Variants in CDH8 observed in about 807,000 individuals in gnomAD.
CDH8 encodes cadherin-8.
Under a neutral mutation model 68.1 loss-of-function variants are expected in CDH8, and 17 were observed. The observed-to-expected ratio is 0.25, with a 90% CI of 0.17 to 0.37. CDH8 has a LOEUF of 0.37. CDH8 is among the 10% of genes least tolerant of loss of function. The pLI is 1.00. For synonymous variants in CDH8, 372 were observed against 365.1 expected (o/e 1.02, Z -0.21); for missense variants, 763 against 999.3 (o/e 0.76, Z 3.19).
Position 61,654,030 on chromosome 16 carries a change from C to A in CDH8, c.1978G>T (p.Val660Phe), listed in dbSNP as rs1229937786. The A allele has an allele frequency of 1.2e-6, 2 of 1,614,070 alleles. No individual in the cohort carries two copies. The highest frequency in any genetic ancestry group is 1.3e-5 in the African/African-American group (1 of 75,026). ...TCGTAGCGAATGATGTTTTCTCGAA[C>A]GTCTTCATCATCTTTGATAATTAAT... is the stretch of plus-strand genomic sequence containing the variant. ...EPLIIKDDED[V>F]RENIIRYDDE... Residue 660 changes from valine to phenylalanine, a missense_variant, in exon 12 of 12, where the codon GTT (valine) becomes TTT (phenylalanine). Val to Phe is a conservative substitution (Grantham distance 50, BLOSUM62 -1). This residue lies in a region of CDH8 where 397 missense variants were observed against 436.2 expected (regional missense o/e 0.91). Coordinates refer to ENST00000577390, the MANE Select transcript of CDH8 (RefSeq NM_001796.5).
chr16:61,689,432 A>G (rs1964174446), intron 10 of CDH8, among the ~76,000 whole-genome samples: 1 of 151,894 alleles, frequency 6.6e-6, no homozygotes, highest in Non-Finnish European at 1.5e-5. Context: ...CCCCAAACCC[A>G]ACTTTCTCTT....
chr16:61,784,898 AG>A (rs1961196777), intron 8 of CDH8, among the ~76,000 whole-genome samples: 1 of 152,228 alleles, frequency 6.6e-6, no homozygotes, highest in South Asian at 2.1e-4. Flanking sequence ...ACTAGAACAA[AG>A]ACACAACATA....
chr16:61,762,460 A>G (rs1960494500), intron 8 of CDH8, among the ~76,000 whole-genome samples: 2 of 152,200 alleles, frequency 1.3e-5, no homozygotes, highest in Admixed American at 6.5e-5. Context: ...CTAAGATTGG[A>G]AAACCAAATA....
intron 2 of CDH8, among the ~76,000 whole-genome samples, chr16:61,959,943 T>G (rs1965061388): frequency 7.3e-6 from 1 of 136,264 alleles, no homozygotes; most frequent in Non-Finnish European, 1.6e-5. Context: ...CATTATACCT[T>G]AACAAATCTT....
intron 2 of CDH8, among the ~76,000 whole-genome samples, chr16:61,962,044 G>T (rs1304655498): frequency 1.3e-5 from 2 of 152,246 alleles, no homozygotes; most frequent in Admixed American, 6.5e-5. Context: ...CTAGAGAAAA[G>T]AAATTGCTAT....
intron 2 of CDH8, among the ~76,000 whole-genome samples, chr16:61,947,178 T>A (rs1480575796): frequency 9.4e-6 from 1 of 106,164 alleles, no homozygotes; most frequent in Non-Finnish European, 2.0e-5. Context: ...ATATTATTTC[T>A]AAATTGAAGT....
chr16:61,967,182 T>C (rs1051957328), intron 2 of CDH8, among the ~76,000 whole-genome samples: 23 of 152,022 alleles, frequency 1.5e-4, no homozygotes, highest in African/African-American at 5.6e-4. Flanking sequence ...GATAGGGGAA[T>C]AGAGTAAGAT....
At chr16:61,930,307 C>A (rs1015554567) in intron 2 of CDH8, among the ~76,000 whole-genome samples, 2 of 135,416 alleles carry the variant, frequency 1.5e-5, no homozygotes, top group African/African-American at 3.2e-5. Flanking sequence ...ACACACACAC[C>A]CCTATGTATA....
chr16:61,724,607 C>T (rs949002860), intron 9 of CDH8, among the ~76,000 whole-genome samples: 4 of 150,650 alleles, frequency 2.7e-5, no homozygotes, highest in African/African-American at 7.3e-5. Context: ...CCAAACAAGA[C>T]ATTTGAATGT....
At chr16:61,725,786 A>C (rs2142890691) in intron 9 of CDH8, 1 of 151,154 alleles carries the variant, frequency 6.6e-6, no homozygotes, top group Admixed American at 6.6e-5. Context: ...GAATATTATA[A>C]AAATAAACCT....
At chr16:61,669,630 TTGA>T (rs1180355354) in intron 10 of CDH8, among the ~76,000 whole-genome samples, 1 of 152,038 alleles carries the variant, frequency 6.6e-6, no homozygotes, top group East Asian at 1.9e-4. Flanking sequence ...TATCAGTCAG[TTGA>T]TGGTTTATCC....
chr16:61,676,693 G>T (rs1963918772), intron 10 of CDH8, among the ~76,000 whole-genome samples: 1 of 151,984 alleles, frequency 6.6e-6, no homozygotes, highest in African/African-American at 2.4e-5. Flanking sequence ...CAAAACATCA[G>T]CAACAAGCAA....
At chr16:61,946,518 G>A (rs1470041649) in intron 2 of CDH8, among the ~76,000 whole-genome samples, 1 of 152,166 alleles carries the variant, frequency 6.6e-6, no homozygotes, top group African/African-American at 2.4e-5. Flanking sequence ...GGCACAATAG[G>A]ACTTGAGTTC....
intron 3 of CDH8, among the ~76,000 whole-genome samples, chr16:61,860,919 A>C (rs1963138732): frequency 6.6e-6 from 1 of 152,218 alleles, no homozygotes; most frequent in African/African-American, 2.4e-5. Context: ...TTTTGAACAT[A>C]AAATAGTTCT....
chr16:62,018,223 G>A (rs1166219159), intron 2 of CDH8, among the ~76,000 whole-genome samples: 1 of 152,110 alleles, frequency 6.6e-6, no homozygotes, highest in Admixed American at 6.5e-5. Context: ...GCATCCAGCT[G>A]CCTACCAATA....
At chr16:61,698,658 C>T (rs1172602149) in intron 10 of CDH8, among the ~76,000 whole-genome samples, 2 of 152,224 alleles carry the variant, frequency 1.3e-5, no homozygotes, top group Admixed American at 6.5e-5. Context: ...ACCTAAAATA[C>T]TGGAGCTGGC....
intron 3 of CDH8, among the ~76,000 whole-genome samples, chr16:61,870,866 C>G (rs763633583): frequency 2.6e-5 from 4 of 152,062 alleles, no homozygotes; most frequent in Admixed American, 1.3e-4. Context: ...AACTAGAATA[C>G]TAATAATTAC....
At chr16:61,718,945 A>G (rs908437405) in intron 9 of CDH8, among the ~76,000 whole-genome samples, 2 of 150,880 alleles carry the variant, frequency 1.3e-5, no homozygotes, top group Non-Finnish European at 1.5e-5. Context: ...GTAAATAAGA[A>G]ATTTTATCAA....
intron 8 of CDH8, among the ~76,000 whole-genome samples, chr16:61,751,506 G>C (rs12920899): frequency 6.8e-6 from 1 of 146,876 alleles, no homozygotes; most frequent in East Asian, 2.1e-4. Flanking sequence ...CAAGATAGAA[G>C]ACCGTCCCGT....
Sources: allele counts gnomAD v4.1 joint callset (sites outside exome capture counted in the v4.1 genomes callset), GRCh38; gene constraint gnomAD v4.1.1; regional missense constraint gnomAD v4.1.1; transcripts MANE v1.5; gene names NCBI Gene and HGNC (gene_info 2026-07-23, HGNC 2026-07-21).